PLEKHA7: variants seen among roughly 807,000 people sequenced by gnomAD.
The protein encoded by PLEKHA7 is pleckstrin homology domain containing A7, also known as pleckstrin homology domain-containing family A member 7.
Under a neutral mutation model 170.0 loss-of-function variants are expected in PLEKHA7, and 104 were observed. That is an observed-to-expected ratio of 0.61 (90% CI 0.52 to 0.72). The LOEUF (loss-of-function observed/expected upper bound fraction) is 0.72, where lower values mean the gene tolerates loss of function less well. Ranked by LOEUF, PLEKHA7 falls within the 30% of genes least tolerant of loss-of-function variation. PLEKHA7 has a pLI of 0.00. For missense variants in PLEKHA7, 1,615 were observed against 1,671.7 expected (o/e 0.97, Z 0.59); for synonymous variants, 648 against 660.8 (o/e 0.98, Z 0.30).
At chr11:16,874,377 C>T (rs1163885492) in intron 3 of PLEKHA7, among the ~76,000 whole-genome samples, 2 of 152,038 alleles carry the variant, frequency 1.3e-5, no homozygotes, top group African/African-American at 2.4e-5. Flanking sequence ...CATGCTGTCA[C>T]GCACCTGTAG....
chr11:16,949,871 G>A (rs1861291816), intron 3 of PLEKHA7, among the ~76,000 whole-genome samples: 1 of 152,038 alleles, frequency 6.6e-6, no homozygotes, highest in Non-Finnish European at 1.5e-5. Context: ...ATGGAGGGGA[G>A]GGGAGAGACC....
intron 3 of PLEKHA7, among the ~76,000 whole-genome samples, chr11:16,976,968 AG>A (rs1479880451): frequency 6.6e-6 from 1 of 152,218 alleles, no homozygotes; most frequent in Non-Finnish European, 1.5e-5. Context: ...TCCAGGACAC[AG>A]AACACACAGC....
chr11:16,879,304 A>G (rs1170735844), intron 3 of PLEKHA7, among the ~76,000 whole-genome samples: 1 of 152,210 alleles, frequency 6.6e-6, no homozygotes, highest in Non-Finnish European at 1.5e-5. Flanking sequence ...AAAGAAGAAT[A>G]TTCATGGAGT....
intron 3 of PLEKHA7, among the ~76,000 whole-genome samples, chr11:16,883,710 C>T (rs1389676358): frequency 6.6e-6 from 1 of 152,176 alleles, no homozygotes; most frequent in Non-Finnish European, 1.5e-5. Context: ...TTTCCTCCTT[C>T]CTCAACATTC....
At chr11:16,883,172 G>A (rs926289243) in intron 3 of PLEKHA7, among the ~76,000 whole-genome samples, 7 of 152,124 alleles carry the variant, frequency 4.6e-5, no homozygotes, top group African/African-American at 1.7e-4. Context: ...AAATGTCTTG[G>A]GAGATACACT....
intron 12 of PLEKHA7, among the ~76,000 whole-genome samples, chr11:16,814,877 C>A (rs1326936755): frequency 1.3e-5 from 2 of 152,222 alleles, no homozygotes. Context: ...GGCAACAAGG[C>A]TGTCAGCCAG....
At chr11:16,785,689 T>A (rs1440814542) in intron 24 of PLEKHA7, among the ~76,000 whole-genome samples, 2 of 152,170 alleles carry the variant, frequency 1.3e-5, no homozygotes, top group South Asian at 4.1e-4. Context: ...TCATGATGCA[T>A]GTGAGCCACC....
chr11:16,957,704 T>A lies in PLEKHA7; in HGVS notation c.221+56285A>T, dbSNP rs984254633. Among the ~76,000 whole-genome samples the A allele has an allele frequency of 2.3e-4, 31 of 136,230 alleles. 2 individuals carry two copies. The highest frequency in any genetic ancestry group is 6.8e-4 in the African/African-American group (25 of 36,744). 89.4% of individuals were successfully genotyped at this position (136,230 alleles called of 152,430 possible). On this transcript the variant is annotated intron_variant, in intron 3 of 26. Transcript: ENST00000531066. ...TACCTCAATAATTTTTTTCTTTTTT[T>A]TTTTTTTTTTTTTTTTTGAGACAGA...
At chr11:16,831,400 G>C (rs894800880) in intron 9 of PLEKHA7, among the ~76,000 whole-genome samples, 2 of 152,138 alleles carry the variant, frequency 1.3e-5, no homozygotes, top group South Asian at 2.1e-4. Flanking sequence ...TTAGCACAAC[G>C]ATGGGAAGGA....
intron 17 of PLEKHA7, among the ~76,000 whole-genome samples, chr11:16,795,994 A>G (rs529580347): frequency 4.0e-4 from 61 of 151,272 alleles, no homozygotes; most frequent in African/African-American, 1.4e-3. Flanking sequence ...CAGGTAGCTG[A>G]ATTACAGGCG....
Position 16,778,864 on chromosome 11 carries a change from T to C in PLEKHA7, c.*134A>G, listed in dbSNP as rs1046661666. On this transcript the variant is annotated 3_prime_UTR_variant, in exon 27 of 27. Coordinates refer to ENST00000531066, the MANE Select transcript of PLEKHA7 (RefSeq NM_001329630.2). The stretch of plus-strand genomic sequence containing the variant: ...CCTGGCCTGTGGTGAACACCCGCAG[T>C]CGGTAAGCTGCTCCTTCCTCCGGCC... 15 of 686,026 alleles carry C rather than the reference T, an allele frequency of 2.2e-5. No homozygotes were observed. In the African/African-American group the frequency reaches 2.3e-4, roughly 10 times the overall value. The allele number at this position is 686,026 out of a possible 1,614,324, so 42.5% of individuals were successfully genotyped here. A position where few individuals can be genotyped will look rare whatever the true frequency, so the allele number is the denominator to read the frequency against.
chr11:16,833,521 G>A (rs185273840), intron 9 of PLEKHA7, among the ~76,000 whole-genome samples: 6 of 152,206 alleles, frequency 3.9e-5, no homozygotes, highest in East Asian at 3.9e-4. Flanking sequence ...CACACACCAC[G>A]CTCACTCACT....
chr11:16,839,842 T>C (rs562449954), intron 9 of PLEKHA7, among the ~76,000 whole-genome samples: 32 of 152,242 alleles, frequency 2.1e-4, no homozygotes, highest in Non-Finnish European at 3.4e-4. Context: ...TACATACATA[T>C]ACTGTAAACA....
chr11:16,781,210 G>GGATCCACAGATCCAC, intron 26 of PLEKHA7: 1 of 157,890 alleles, frequency 6.3e-6, no homozygotes, highest in African/African-American at 2.4e-5. Flanking sequence ...GGGGCCTGGT[G>GGATCCACAGATCCAC]GGGAACCGGA....
chr11:16,975,664 A>G (rs1474814765), intron 3 of PLEKHA7, among the ~76,000 whole-genome samples: 1 of 152,192 alleles, frequency 6.6e-6, no homozygotes, highest in Admixed American at 6.5e-5. Flanking sequence ...ATATTATCCC[A>G]TTTTTGTTAA....
At position 16,859,011 on chromosome 11, in the gene PLEKHA7, T is replaced by C. The variant is rs557440327; in HGVS notation, c.306-3097A>G. 2.6e-5 allele frequency among the ~76,000 whole-genome samples: 4 copies of C among 152,260 alleles called. No homozygotes were observed. The South Asian group carries it at 8.3e-4, about 32-fold the overall frequency. ...CACATGAAGACAGCTTGACTCCTCA[T>C]GGTCTACACCGCTCAAACACACCCA... is the stretch of plus-strand genomic sequence containing the variant. On this transcript the variant is annotated intron_variant, in intron 4 of 26. Coordinates refer to ENST00000531066, the MANE Select transcript of PLEKHA7 (RefSeq NM_001329630.2).
In PLEKHA7 at chr11:16,794,616, C is replaced by G. The variant is rs758131202; in HGVS notation, c.2617G>C (p.Val873Leu). Reference protein sequence around the residue: ...PPQPSPPTSPVRTPLEVRLFP... With the variant: ...PPQPSPPTSPLRTPLEVRLFP... Reference sequence around the variant, plus strand: ...AGTCGAACCTCCAGAGGGGTCCGCACAGGGCTGGTGGGAGGACTGGGCTGT... The same window carrying G: ...AGTCGAACCTCCAGAGGGGTCCGCAGAGGGCTGGTGGGAGGACTGGGCTGT... The change falls in exon 19 of 27, where the codon GTG (valine) becomes CTG (leucine). Residue 873 changes from valine (V) to leucine (L), a missense_variant. Coordinates refer to ENST00000531066, the MANE Select transcript of PLEKHA7 (RefSeq NM_001329630.2). The G allele has an allele frequency of 6.2e-7, 1 of 1,613,604 alleles. No individual in the cohort carries two copies. Among genetic ancestry groups the G allele is most frequent in the South Asian group, 1.1e-5 (1 of 91,010 alleles).
In PLEKHA7 at chr11:16,826,158, C is replaced by T. The variant is rs761764796; in HGVS notation, c.1305G>A (p.Val435=). The change falls in exon 10 of 27, where the codon GTG becomes GTA. Residue 435 remains valine, a synonymous_variant. Transcript: ENST00000531066. ...CTTTCTGGGCCCTTGCCCAGTGCTC[C>T]ACCTGGGCCAGATTGCTCTTCCTTT... ...HSQRKSNLAQ[V]EHWARAQKGD... 8 of 1,614,120 alleles carry T rather than the reference C, an allele frequency of 5.0e-6. No individual in the cohort carries two copies. Among genetic ancestry groups the T allele is most frequent in the East Asian group, 4.5e-5 (2 of 44,898 alleles).
chr11:16,831,060 G>A (rs894839292), intron 9 of PLEKHA7, among the ~76,000 whole-genome samples: 3 of 152,220 alleles, frequency 2.0e-5, no homozygotes, highest in Non-Finnish European at 2.9e-5. Context: ...GTGGCAGAGC[G>A]AATGGCAGTC....
Sources: allele counts gnomAD v4.1 joint callset (sites outside exome capture counted in the v4.1 genomes callset), GRCh38; gene constraint gnomAD v4.1.1; transcripts MANE v1.5; gene names NCBI Gene and HGNC (gene_info 2026-07-23, HGNC 2026-07-21).